Variants in ANKS1A observed in about 807,000 individuals in gnomAD.
ANKS1A encodes ankyrin repeat and SAM domain-containing protein 1A.
Under a neutral mutation model 120.3 loss-of-function variants are expected in ANKS1A, and 55 were observed. The observed-to-expected ratio is 0.46, with a 90% CI of 0.37 to 0.57. The LOEUF (loss-of-function observed/expected upper bound fraction) is 0.57, where lower values mean the gene tolerates loss of function less well. ANKS1A is among the 20% of genes least tolerant of loss of function. The pLI is 0.00. For synonymous variants in ANKS1A, 590 were observed against 604.7 expected, an observed-to-expected ratio of 0.98 and a Z score of 0.36; for missense variants, 1,123 against 1,480.3, an observed-to-expected ratio of 0.76 and a Z score of 3.96.
chr6:35,091,297 C>G lies in ANKS1A; in HGVS notation c.*2688C>G, dbSNP rs1380934589. 8.1e-6 allele frequency: 8 copies of G among 985,710 alleles called. No individual in the cohort carries two copies. The highest frequency in any genetic ancestry group is 8.4e-6 in the Non-Finnish European group (7 of 829,944). 61.1% of individuals were successfully genotyped at this position (985,710 alleles called of 1,614,324 possible). ...GCAACAACATAGACTGACCTCAGTA[C>G]CCAAGAGAGTGTAAATATTTCTGGG... is the stretch of plus-strand genomic sequence containing the variant. On this transcript the variant is annotated 3_prime_UTR_variant, in exon 24 of 24. Coordinates refer to ENST00000360359, the MANE Select transcript of ANKS1A (RefSeq NM_015245.3).
intron 10 of ANKS1A, among the ~76,000 whole-genome samples, chr6:35,003,754 AAG>A (rs2127546114): frequency 1.3e-5 from 2 of 152,334 alleles, no homozygotes; most frequent in Admixed American, 1.3e-4. Flanking sequence ...ATTGCACAAG[AAG>A]ACAGAAGTGG....
rs371458738 is a variant in ANKS1A, at chr6:35,078,590, G to A, written c.2217G>A (p.Arg739=). 6.2e-6 allele frequency: 10 copies of A among 1,609,494 alleles called. No individual in the cohort carries two copies. Among genetic ancestry groups the A allele is most frequent in the African/African-American group, 1.3e-5 (1 of 74,896 alleles). Reference sequence around the variant, plus strand: ...ATGTGATGGAAGAGCAGGACCTGCGGGACATCGGCATCAGCGACCCACAGC... The same window carrying A: ...ATGTGATGGAAGAGCAGGACCTGCGAGACATCGGCATCAGCGACCCACAGC... ...GSNVMEEQDL[R]DIGISDPQHR... is the part of the protein sequence containing the mutation. The change falls in exon 14 of 24, where the codon CGG becomes CGA. Residue 739 remains arginine (R), a synonymous_variant. Transcript: ENST00000360359.
At chr6:34,916,761 G>A (rs888065431) in intron 1 of ANKS1A, among the ~76,000 whole-genome samples, 4 of 152,196 alleles carry the variant, frequency 2.6e-5, no homozygotes, top group Non-Finnish European at 4.4e-5. Flanking sequence ...GCTGGGAATT[G>A]TATTGCATAA....
intron 11 of ANKS1A, among the ~76,000 whole-genome samples, chr6:35,053,861 G>T (rs781161656): frequency 6.6e-6 from 1 of 152,226 alleles, no homozygotes; most frequent in Non-Finnish European, 1.5e-5. Context: ...TAGCAGCTAA[G>T]CCCAGACTGT....
intron 1 of ANKS1A, among the ~76,000 whole-genome samples, chr6:34,959,963 G>A (rs923559340): frequency 2.0e-5 from 3 of 151,984 alleles, no homozygotes; most frequent in African/African-American, 2.4e-5. Context: ...GTCCTCCTCC[G>A]TTTTCTACCC....
chr6:34,908,289 T>C (rs544184129), intron 1 of ANKS1A, among the ~76,000 whole-genome samples: 2 of 152,070 alleles, frequency 1.3e-5, no homozygotes, highest in East Asian at 1.9e-4. Flanking sequence ...AGAAGATTGG[T>C]GTGGAGGAGG....
chr6:35,036,861 C>T (rs1775199604), intron 11 of ANKS1A, among the ~76,000 whole-genome samples: 1 of 152,240 alleles, frequency 6.6e-6, no homozygotes, highest in African/African-American at 2.4e-5. Flanking sequence ...AAATTCTTCC[C>T]TCCTCCCCCA....
chr6:34,906,802 A>C (rs1767668978), intron 1 of ANKS1A, among the ~76,000 whole-genome samples: 1 of 152,226 alleles, frequency 6.6e-6, no homozygotes, highest in East Asian at 1.9e-4. Context: ...GTTCTTTGGT[A>C]GTCCTCTCTC....
At chr6:34,967,209 A>G (rs1413233863) in intron 1 of ANKS1A, 30 bp from the exon 2 acceptor site, 3 of 1,602,948 alleles carry the variant, frequency 1.9e-6, no homozygotes, top group Non-Finnish European at 2.6e-6. Flanking sequence ...TGTGAAATCT[A>G]TGTCTCTCTC....
In ANKS1A at chr6:34,982,083, C is replaced by A; in HGVS notation, c.732+97C>A. 1.4e-6 allele frequency: 2 copies of A among 1,403,296 alleles called. No homozygotes were observed. Among genetic ancestry groups the A allele is most frequent in the Non-Finnish European group, 1.9e-6 (2 of 1,037,960 alleles). The allele number at this position is 1,403,296 out of a possible 1,614,324, so 86.9% of individuals were successfully genotyped here. A position where few individuals can be genotyped will look rare whatever the true frequency, so the allele number is the denominator to read the frequency against. On this transcript the variant is annotated intron_variant, in intron 4 of 23. Transcript: ENST00000360359. This position sits in a 1 kb window ranked among gnomAD's most constrained non-coding sequence, Gnocchi z 4.9. ...CTGCTGGGCTGTGCTCTTTATTTAG[C>A]ACGTTTCACATCATGTTTCAAATGC... is the stretch of plus-strand genomic sequence containing the variant.
At chr6:35,080,908 C>T (rs572750896) in intron 16 of ANKS1A, 86 bp from the exon 17 acceptor site, 141 of 1,493,582 alleles carry the variant, frequency 9.4e-5, no homozygotes, top group Middle Eastern at 1.8e-4. Context: ...CTGCCTGTGC[C>T]GTCCTAACCA....
chr6:34,896,947 AAG>A (rs1246214392), intron 1 of ANKS1A, among the ~76,000 whole-genome samples: 2 of 152,112 alleles, frequency 1.3e-5, no homozygotes, highest in Non-Finnish European at 2.9e-5. Flanking sequence ...CTGGGCAAAA[AAG>A]AGCGAAACTC....
chr6:35,056,415 A>G (rs900437918), intron 12 of ANKS1A, among the ~76,000 whole-genome samples: 15 of 152,136 alleles, frequency 9.9e-5, no homozygotes, highest in Admixed American at 7.8e-4. Context: ...CAGCCTCCCG[A>G]GTAGCTGGGA....
At position 35,054,090 on chromosome 6, in the gene ANKS1A, C is replaced by T; in HGVS notation, c.2011-9C>T. ...CTGCCTCTCCTCTTTGTTCTTTCTT[C>T]CATTTCAGATTGAGAAAATCATGAG... On this transcript the variant is annotated splice_polypyrimidine_tract_variant and intron_variant, in intron 11 of 23. Coordinates refer to ENST00000360359, the MANE Select transcript of ANKS1A (RefSeq NM_015245.3). 6.2e-7 allele frequency: 1 copy of T among 1,613,124 alleles called. No individual in the cohort carries two copies. The highest frequency in any genetic ancestry group is 8.5e-7 in the Non-Finnish European group (1 of 1,179,192).
At chr6:34,897,042 G>C (rs756933334) in intron 1 of ANKS1A, among the ~76,000 whole-genome samples, 3 of 152,202 alleles carry the variant, frequency 2.0e-5, no homozygotes, top group African/African-American at 7.2e-5. Flanking sequence ...AGGCAGAGAC[G>C]CAAAGGTGGG....
chr6:34,924,819 A>G (rs554201372), intron 1 of ANKS1A, among the ~76,000 whole-genome samples: 15 of 152,276 alleles, frequency 9.9e-5, no homozygotes, highest in South Asian at 8.3e-4. Flanking sequence ...GCAGTGTGCC[A>G]TCTTGGCTCA....
chr6:34,957,734 C>G (rs1223663586), intron 1 of ANKS1A, among the ~76,000 whole-genome samples: 1 of 152,166 alleles, frequency 6.6e-6, no homozygotes, highest in African/African-American at 2.4e-5. Flanking sequence ...CTCCTGAGAA[C>G]TAATGCAGGA....
At chr6:35,039,192 CTTTT>C (rs35565672) in intron 11 of ANKS1A, among the ~76,000 whole-genome samples, 2 of 83,786 alleles carry the variant, frequency 2.4e-5, no homozygotes, top group African/African-American at 9.7e-5. Context: ...CTCCCTCATA[CTTTT>C]TTTTTTTTTT....
At chr6:35,066,160 A>C (rs1776764816) in intron 13 of ANKS1A, among the ~76,000 whole-genome samples, 1 of 152,318 alleles carries the variant, frequency 6.6e-6, no homozygotes, top group East Asian at 1.9e-4. Context: ...TAAACTCCGA[A>C]GAGGACACAG....
Sources: allele counts gnomAD v4.1 joint callset (sites outside exome capture counted in the v4.1 genomes callset), GRCh38; gene constraint gnomAD v4.1.1; non-coding constraint Gnocchi (gnomAD v3.1); transcripts MANE v1.5; gene names NCBI Gene and HGNC (gene_info 2026-07-23, HGNC 2026-07-21).